The following STAU1 variants were observed in gnomAD, a reference collection of about 807,000 sequenced individuals.
STAU1 encodes staufen double-stranded RNA binding protein 1.
In STAU1, 13 loss-of-function variants were observed where a neutral mutation model predicts 62.9. The ratio of observed to expected loss-of-function variants is 0.21; its 90% CI spans 0.13 to 0.33. The LOEUF is 0.33. STAU1 is among the 10% of genes least tolerant of loss of function. STAU1 has a pLI of 1.00. For synonymous variants in STAU1, 269 were observed against 265.1 expected, an observed-to-expected ratio of 1.01 and a Z score of -0.14; for missense variants, 571 against 712.1, an observed-to-expected ratio of 0.80 and a Z score of 2.25.
At chr20:49,147,187 T>C (rs1406404546) in intron 5 of STAU1, among the ~76,000 whole-genome samples, 1 of 152,204 alleles carries the variant, frequency 6.6e-6, no homozygotes, top group Non-Finnish European at 1.5e-5. Context: ...ATACTTTACG[T>C]TCTTCTAATT....
At chr20:49,173,174 T>C (rs1011517308) in intron 2 of STAU1, among the ~76,000 whole-genome samples, 1 of 148,084 alleles carries the variant, frequency 6.8e-6, no homozygotes, top group Non-Finnish European at 1.5e-5. Flanking sequence ...AGAAAAGCAT[T>C]AGGCCGGGCA....
chr20:49,168,565 C>T (rs1406121881), intron 2 of STAU1, among the ~76,000 whole-genome samples: 1 of 151,860 alleles, frequency 6.6e-6, no homozygotes, highest in East Asian at 1.9e-4. Context: ...CCAAATAAGA[C>T]TAGGTAAATT....
At chr20:49,182,085 G>C (rs778455709) in intron 1 of STAU1, among the ~76,000 whole-genome samples, 1 of 152,120 alleles carries the variant, frequency 6.6e-6, no homozygotes, top group Non-Finnish European at 1.5e-5. Flanking sequence ...TTCTCAAATA[G>C]ATTTTTCCAC....
In STAU1 at chr20:49,117,834, T is replaced by A. The variant is rs762598286; in HGVS notation, c.1452A>T (p.Gly484=). ...NNISSGHVPH[G]PLTRPSEQLD... is the part of the protein sequence containing the mutation. ...GTTGCTCAGAGGGTCTCGTGAGAGG[T>A]CCATGGGGTACGTGGCCTGAAGAGA... Residue 484 remains glycine, a synonymous_variant, in exon 11 of 14, where the codon GGA becomes GGT. Transcript: ENST00000371856. The surrounding 1 kb of genome is among the most constrained non-coding windows in gnomAD (Gnocchi z 4.6). 12 of 1,614,014 alleles carry A rather than the reference T, an allele frequency of 7.4e-6. No homozygotes were observed. Among genetic ancestry groups the A allele is most frequent in the Non-Finnish European group, 1.0e-5 (12 of 1,180,010 alleles).
chr20:49,170,477 A>G (rs1210933056), intron 2 of STAU1, among the ~76,000 whole-genome samples: 2 of 152,064 alleles, frequency 1.3e-5, no homozygotes, highest in Non-Finnish European at 1.5e-5. Flanking sequence ...CAGCCTCCCG[A>G]GTAGCGGGAA....
chr20:49,133,274 C>T (rs552838047), intron 6 of STAU1, among the ~76,000 whole-genome samples: 1 of 152,328 alleles, frequency 6.6e-6, no homozygotes, highest in South Asian at 2.1e-4. Context: ...ATCTCAGTGA[C>T]TCTGGGTAGC....
intron 9 of STAU1, among the ~76,000 whole-genome samples, chr20:49,118,673 T>C (rs1283534174): frequency 2.0e-5 from 3 of 152,108 alleles, no homozygotes; most frequent in Non-Finnish European, 4.4e-5. Flanking sequence ...TGAGCTGCAC[T>C]CTGCACCCAC....
At chr20:49,165,951 G>A (rs755257098) in intron 3 of STAU1, 46 bp downstream of exon 3, 2 of 1,595,302 alleles carry the variant, frequency 1.3e-6, no homozygotes, top group East Asian at 2.2e-5. Context: ...AGAAAACAGG[G>A]TAAGAAAACA....
intron 6 of STAU1, among the ~76,000 whole-genome samples, chr20:49,126,260 A>G (rs2092609845): frequency 6.6e-6 from 1 of 151,902 alleles, no homozygotes; most frequent in Admixed American, 6.5e-5. Context: ...AGTGATTACA[A>G]TAACACAGAT....
chr20:49,142,117 C>T (rs2093021117), intron 5 of STAU1, among the ~76,000 whole-genome samples: 1 of 152,106 alleles, frequency 6.6e-6, no homozygotes, highest in Non-Finnish European at 1.5e-5. Context: ...GATGAAGTCT[C>T]GCTCTGTTGC....
At chr20:49,147,776 G>T (rs58711912) in intron 5 of STAU1, among the ~76,000 whole-genome samples, 57 of 152,340 alleles carry the variant, frequency 3.7e-4, no homozygotes, top group African/African-American at 1.2e-3. Flanking sequence ...AAGTGCTTAG[G>T]TGTGTGCTGA....
intron 2 of STAU1, among the ~76,000 whole-genome samples, chr20:49,168,675 G>A (rs2093558294): frequency 6.6e-6 from 1 of 152,104 alleles, no homozygotes; most frequent in South Asian, 2.1e-4. Context: ...ATTTAAGCCT[G>A]AACAGAGCAT....
chr20:49,169,108 A>T (rs2093565083), intron 2 of STAU1, among the ~76,000 whole-genome samples: 1 of 151,872 alleles, frequency 6.6e-6, no homozygotes, highest in Admixed American at 6.6e-5. Flanking sequence ...GTACCACCAC[A>T]CCCGGCTAAT....
chr20:49,147,555 T>C (rs753890883), intron 5 of STAU1, among the ~76,000 whole-genome samples: 46 of 152,234 alleles, frequency 3.0e-4, no homozygotes, highest in Non-Finnish European at 1.6e-4. Context: ...TGGCACCCTC[T>C]TTCTGTGGAG....
intron 2 of STAU1, among the ~76,000 whole-genome samples, chr20:49,166,836 G>A (rs775862387): frequency 6.6e-5 from 10 of 152,156 alleles, no homozygotes; most frequent in Non-Finnish European, 8.8e-5. Context: ...ATGGTGATGA[G>A]AGATGTATTG....
chr20:49,170,782 T>TG (rs1555866622), intron 2 of STAU1, among the ~76,000 whole-genome samples: 54 of 128,558 alleles, frequency 4.2e-4, no homozygotes, highest in Admixed American at 1.4e-3. Flanking sequence ...AAGATGTGTC[T>TG]GGGAAAAAAA....
At chr20:49,119,866 C>A in intron 9 of STAU1, 116 bp downstream of exon 9, 1 of 1,268,930 alleles carries the variant, frequency 7.9e-7, no homozygotes, top group South Asian at 1.5e-5. Flanking sequence ...CTCAGCAGGA[C>A]TCCTTGAACT....
the STAU1 span, among the ~76,000 whole-genome samples, chr20:49,207,229 A>C: frequency 6.6e-6 from 1 of 151,766 alleles, no homozygotes; most frequent in Non-Finnish European, 1.5e-5. Flanking sequence ...CTGCAAAAAA[A>C]AAAAAGAAGC....
intron 1 of STAU1, among the ~76,000 whole-genome samples, chr20:49,187,039 A>G (rs1207760318): frequency 6.6e-6 from 1 of 152,038 alleles, no homozygotes; most frequent in Admixed American, 6.6e-5. Context: ...AGCTTCCGTG[A>G]AAAAAAACTT....
Sources: allele counts gnomAD v4.1 joint callset (sites outside exome capture counted in the v4.1 genomes callset), GRCh38; gene constraint gnomAD v4.1.1; non-coding constraint Gnocchi (gnomAD v3.1); transcripts MANE v1.5; gene names NCBI Gene and HGNC (gene_info 2026-07-23, HGNC 2026-07-21).